Variants in CRPPA observed in about 807,000 individuals in gnomAD.
The protein encoded by CRPPA is CDP-L-ribitol pyrophosphorylase A.
CRPPA carries 43 observed loss-of-function variants against 52.0 expected under a neutral mutation model. The observed-to-expected ratio is 0.83, with a 90% CI of 0.65 to 1.07. The LOEUF is 1.07. Ranked by LOEUF, CRPPA falls within the 50% of genes least tolerant of loss-of-function variation. CRPPA has a pLI of 0.00. For synonymous variants in CRPPA, 250 were observed against 203.5 expected (o/e 1.23, Z -1.94); for missense variants, 629 against 551.7 (o/e 1.14, Z -1.40).
At chr7:16,117,975 A>G (rs978982148) in intron 9 of CRPPA, among the ~76,000 whole-genome samples, 4 of 152,224 alleles carry the variant, frequency 2.6e-5, no homozygotes, top group African/African-American at 9.6e-5. Context: ...GGTCAGTGTC[A>G]AGATGGTAAG....
intron 8 of CRPPA, among the ~76,000 whole-genome samples, chr7:16,255,924 A>G (rs185740631): frequency 6.6e-6 from 1 of 152,224 alleles, no homozygotes; most frequent in African/African-American, 2.4e-5. Flanking sequence ...AATGGCAACA[A>G]AAGCCAAAAT....
rs141139394 is a variant in CRPPA at position 16,332,479 on chromosome 7, T to A, written c.685-23852A>T. Among the ~76,000 whole-genome samples the A allele has an allele frequency of 4.6e-5, 7 of 152,284 alleles. No homozygotes were observed. The East Asian group carries it at 1.4e-3, about 29-fold the overall frequency. On this transcript the variant is annotated intron_variant, in intron 3 of 9. Transcript: ENST00000407010. ...GTACATATACATGCTTATCTATGCT[T>A]ATGTATAAGTGAAATTAATGACAGC...
At chr7:16,283,591 C>T (rs117432334) in intron 5 of CRPPA, among the ~76,000 whole-genome samples, 5,725 of 151,074 alleles carry the variant, frequency 0.038, 161 homozygotes, top group Middle Eastern at 0.11. Context: ...AGGATACATA[C>T]ATATCCTACT....
intron 9 of CRPPA, among the ~76,000 whole-genome samples, chr7:16,113,103 G>C (rs955883309): frequency 7.2e-5 from 11 of 151,920 alleles, no homozygotes; most frequent in Non-Finnish European, 1.6e-4. Flanking sequence ...CTCAATGAGA[G>C]TCTTGAAACA....
chr7:16,250,770 C>T (rs992251715), intron 8 of CRPPA, among the ~76,000 whole-genome samples: 1 of 152,184 alleles, frequency 6.6e-6, no homozygotes, highest in Admixed American at 6.5e-5. Flanking sequence ...ATTGCAAAAA[C>T]ATGCCAAATT....
chr7:16,126,600 T>A (rs1175229622), intron 9 of CRPPA, among the ~76,000 whole-genome samples: 1 of 152,208 alleles, frequency 6.6e-6, no homozygotes, highest in African/African-American at 2.4e-5. Flanking sequence ...AAGTCTTTCA[T>A]GTCTAAAATA....
chr7:16,309,760 C>G (rs1188187136), intron 3 of CRPPA, among the ~76,000 whole-genome samples: 1 of 152,066 alleles, frequency 6.6e-6, no homozygotes, highest in Non-Finnish European at 1.5e-5. Flanking sequence ...CTTGCCAAAG[C>G]TATTTTATTA....
chr7:16,403,121 T>C (rs577857138), intron 2 of CRPPA, among the ~76,000 whole-genome samples: 1 of 152,118 alleles, frequency 6.6e-6, no homozygotes, highest in African/African-American at 2.4e-5. Context: ...CATAACCTAA[T>C]TTCAAAATAG....
intron 9 of CRPPA, among the ~76,000 whole-genome samples, chr7:16,126,197 A>G (rs1782577498): frequency 6.6e-6 from 1 of 152,134 alleles, no homozygotes. Context: ...TTAGCAGTCA[A>G]TAGGCTCTTC....
intron 9 of CRPPA, among the ~76,000 whole-genome samples, chr7:16,189,880 T>G (rs1781573197): frequency 6.6e-6 from 1 of 152,138 alleles, no homozygotes; most frequent in African/African-American, 2.4e-5. Context: ...TACAAATATG[T>G]CATTGCTTTA....
chr7:16,181,644 A>C (rs995586157), intron 9 of CRPPA, among the ~76,000 whole-genome samples: 4 of 151,998 alleles, frequency 2.6e-5, no homozygotes, highest in African/African-American at 9.7e-5. Context: ...CCAAAATCAC[A>C]TTCTCTTTGA....
chr7:16,306,381 G>T (rs1990018), intron 4 of CRPPA, among the ~76,000 whole-genome samples: 11,222 of 152,192 alleles, frequency 0.074, 641 homozygotes, highest in African/African-American at 0.16. Flanking sequence ...CATAAAAGGG[G>T]AGCAGAGCAT....
chr7:16,172,665 C>T (rs568127772), intron 9 of CRPPA, among the ~76,000 whole-genome samples: 13 of 152,290 alleles, frequency 8.5e-5, no homozygotes, highest in African/African-American at 3.1e-4. Context: ...TGAAACTACT[C>T]TCTCTCCTAT....
rs1045113558 is a variant in CRPPA at position 16,270,778 on chromosome 7, C to T, written c.933+7351G>A. Among the ~76,000 whole-genome samples, 14 of 152,096 alleles carry T rather than the reference C, an allele frequency of 9.2e-5. 1 individual carries two copies. Among genetic ancestry groups the T allele is most frequent in the Admixed American group, 5.9e-4 (9 of 15,266 alleles). ...AACAAATGAAAATCCTGTATATTCA[C>T]GCTAAAATATAATATGTATCAAAAT... On this transcript the variant is annotated intron_variant, in intron 6 of 9. Coordinates refer to ENST00000407010, the MANE Select transcript of CRPPA (RefSeq NM_001101426.4).
At chr7:16,403,099 A>C (rs1177220710) in intron 2 of CRPPA, among the ~76,000 whole-genome samples, 1 of 152,204 alleles carries the variant, frequency 6.6e-6, no homozygotes, top group Non-Finnish European at 1.5e-5. Flanking sequence ...TATTAAAGCC[A>C]GGAGACAGTG....
intron 9 of CRPPA, among the ~76,000 whole-genome samples, chr7:16,145,453 C>A (rs951212640): frequency 3.3e-5 from 5 of 152,008 alleles, no homozygotes; most frequent in Non-Finnish European, 7.4e-5. Flanking sequence ...ATGACACCAT[C>A]GAAAGAAATT....
chr7:16,189,816 C>T (rs899036251), intron 9 of CRPPA, among the ~76,000 whole-genome samples: 2 of 152,128 alleles, frequency 1.3e-5, no homozygotes, highest in Non-Finnish European at 2.9e-5. Context: ...ACAGACCACA[C>T]AGAGAATCCC....
intron 9 of CRPPA, among the ~76,000 whole-genome samples, chr7:16,147,969 T>G (rs1262204965): frequency 3.9e-5 from 6 of 152,184 alleles, no homozygotes; most frequent in Non-Finnish European, 7.4e-5. Context: ...ACAAATTTGA[T>G]GTTGAAATAT....
intron 1 of CRPPA, among the ~76,000 whole-genome samples, chr7:16,409,714 A>G (rs1788034017): frequency 6.6e-6 from 1 of 152,248 alleles, no homozygotes; most frequent in South Asian, 2.1e-4. Context: ...GATCTCTCAT[A>G]CAAGAGACAA....
Sources: gnomAD v4.1 joint callset for allele counts (sites outside exome capture counted in the v4.1 genomes callset) on GRCh38, gnomAD v4.1.1 for gene constraint, MANE v1.5 for transcripts, NCBI Gene and HGNC (gene_info 2026-07-23, HGNC 2026-07-21) for gene names.